Variants in RERE observed in about 807,000 individuals in gnomAD.
RERE encodes the protein arginine-glutamic acid dipeptide repeats protein.
RERE carries 40 observed loss-of-function variants against 146.1 expected under a neutral mutation model. That is an observed-to-expected ratio of 0.27 (90% CI 0.21 to 0.36). The LOEUF is 0.36. Among genes scored for constraint, RERE ranks in the 10% least tolerant of loss-of-function variants. The probability of loss-of-function intolerance (pLI) is 1.00; values close to 1 mark genes in which losing one functional copy is unlikely to be tolerated. For synonymous variants in RERE, 1,003 were observed against 866.0 expected, an observed-to-expected ratio of 1.16 and a Z score of -2.78; for missense variants, 1,933 against 2,138.7, an observed-to-expected ratio of 0.90 and a Z score of 1.90.
At chr1:8,355,342 C>A in intron 22 of RERE, 77 bp downstream of exon 22, 1 of 1,497,670 alleles carries the variant, frequency 6.7e-7, no homozygotes, top group Non-Finnish European at 9.1e-7. Flanking sequence ...GGGGAGGAGC[C>A]TGGCCCTGGG....
At chr1:8,777,897 A>C (rs1245519267) in intron 1 of RERE, among the ~76,000 whole-genome samples, 9 of 151,880 alleles carry the variant, frequency 5.9e-5, no homozygotes. Flanking sequence ...GGTTAAAAAA[A>C]AAAAAAAACT....
chr1:8,426,449 CAAA>C (rs36061391), intron 11 of RERE, among the ~76,000 whole-genome samples: 20 of 109,874 alleles, frequency 1.8e-4, no homozygotes, highest in Admixed American at 1.8e-4. Flanking sequence ...GACTCTGTCT[CAAA>C]AAAAAAAAAA....
At chr1:8,431,784 A>G (rs1410205217) in intron 11 of RERE, among the ~76,000 whole-genome samples, 1 of 152,028 alleles carries the variant, frequency 6.6e-6, no homozygotes, top group African/African-American at 2.4e-5. Context: ...TGGGCCTAGC[A>G]CCTCAAATCT....
At chr1:8,755,577 T>C (rs910853606) in intron 1 of RERE, among the ~76,000 whole-genome samples, 3 of 152,004 alleles carry the variant, frequency 2.0e-5, no homozygotes, top group East Asian at 1.9e-4. Context: ...TCTGGGGAGG[T>C]TGAAAGGCAG....
chr1:8,444,078 T>C (rs548265575), intron 11 of RERE, among the ~76,000 whole-genome samples: 4 of 152,314 alleles, frequency 2.6e-5, no homozygotes, highest in East Asian at 1.9e-4. Flanking sequence ...CCAAGAATGG[T>C]AGATCCATCA....
In RERE at chr1:8,364,759, G is replaced by A; in HGVS notation, c.1527C>T (p.His509=). 1.2e-6 allele frequency: 2 copies of A among 1,613,760 alleles called. No homozygotes were observed. Among genetic ancestry groups the A allele is most frequent in the Non-Finnish European group, 1.7e-6 (2 of 1,179,800 alleles). The change falls in exon 14 of 23, where the codon CAC becomes CAT. Residue 509 remains histidine, a synonymous_variant. Transcript: ENST00000400908. The surrounding 1 kb of genome is among the most constrained non-coding windows in gnomAD (Gnocchi z 5.1). Reference sequence around the variant, plus strand: ...GAGGCCACTTACTGGTGGTGAAGCAGTGGCGGCAGGCGTACCCCTTCAGCT... The same window carrying A: ...GAGGCCACTTACTGGTGGTGAAGCAATGGCGGCAGGCGTACCCCTTCAGCT... ...EQELKGYACR[H]CFTTTSKDWH... is the part of the protein sequence containing the mutation.
intron 7 of RERE, among the ~76,000 whole-genome samples, chr1:8,526,239 G>A (rs551760094): frequency 1.3e-5 from 2 of 151,940 alleles, no homozygotes; most frequent in African/African-American, 2.4e-5. Context: ...GCCAAGCCAC[G>A]GAGGAGCGTC....
At chr1:8,383,424 T>TC in intron 12 of RERE, among the ~76,000 whole-genome samples, 1 of 152,050 alleles carries the variant, frequency 6.6e-6, no homozygotes, top group East Asian at 1.9e-4. Flanking sequence ...TTGTGAGCCG[T>TC]CCTTGCACTT....
intron 1 of RERE, among the ~76,000 whole-genome samples, chr1:8,774,469 T>C (rs532138652): frequency 6.7e-6 from 1 of 148,296 alleles, no homozygotes; most frequent in South Asian, 2.2e-4. Context: ...TTCTCCTGCC[T>C]CAGCCTCCCT....
rs145159129 is a variant in RERE at position 8,567,997 on chromosome 1, T to C, written c.523-10474A>G. ...CTGGATTAAGGGACATCTAGATAGT[T>C]GGTAAAGCATTATTTCTGGGTGTGT... is the stretch of plus-strand genomic sequence containing the variant. On this transcript the variant is annotated intron_variant, in intron 4 of 22. Coordinates refer to ENST00000400908, the MANE Select transcript of RERE (RefSeq NM_001042681.2). Among the ~76,000 whole-genome samples, 264 of 152,310 alleles carry C rather than the reference T, an allele frequency of 1.7e-3. 3 individuals carry two copies. The highest frequency in any genetic ancestry group is 0.015 in the South Asian group (71 of 4,830).
At chr1:8,731,683 G>GA (rs1439950005) in intron 1 of RERE, among the ~76,000 whole-genome samples, 2 of 151,904 alleles carry the variant, frequency 1.3e-5, no homozygotes, top group African/African-American at 2.4e-5. Flanking sequence ...ACCAGGGGTG[G>GA]AAAAAAACAA....
At chr1:8,701,664 T>C (rs1639454053) in intron 1 of RERE, among the ~76,000 whole-genome samples, 1 of 152,336 alleles carries the variant, frequency 6.6e-6, no homozygotes, top group East Asian at 1.9e-4. Flanking sequence ...ACATTTCAAG[T>C]GCAGCCTGCC....
chr1:8,606,375 A>C (rs1416109198), intron 4 of RERE, among the ~76,000 whole-genome samples: 1 of 152,206 alleles, frequency 6.6e-6, no homozygotes, highest in Non-Finnish European at 1.5e-5. Context: ...ATTTAAGTGA[A>C]AGGGAGGAAA....
intron 1 of RERE, among the ~76,000 whole-genome samples, chr1:8,731,200 T>A (rs1203221453): frequency 6.6e-6 from 1 of 152,222 alleles, no homozygotes; most frequent in Admixed American, 6.5e-5. Context: ...TTAAAACTTC[T>A]GGAGGTCCAG....
intron 7 of RERE, among the ~76,000 whole-genome samples, chr1:8,514,839 T>G (rs1315747686): frequency 1.3e-5 from 2 of 152,186 alleles, no homozygotes; most frequent in Non-Finnish European, 1.5e-5. Flanking sequence ...AAGCACTGAT[T>G]ATGGCACATT....
chr1:8,505,909 T>C (rs899953315), intron 8 of RERE, among the ~76,000 whole-genome samples: 1 of 152,174 alleles, frequency 6.6e-6, no homozygotes, highest in African/African-American at 2.4e-5. Flanking sequence ...TTTTTGAAAA[T>C]GAAGCACACA....
intron 7 of RERE, among the ~76,000 whole-genome samples, chr1:8,515,668 T>C (rs1645404851): frequency 6.6e-6 from 1 of 151,656 alleles, no homozygotes; most frequent in African/African-American, 2.4e-5. Flanking sequence ...CAACAAAACA[T>C]AGCTACTAAA....
chr1:8,654,333 G>A (rs1230461272), intron 2 of RERE, among the ~76,000 whole-genome samples: 1 of 152,034 alleles, frequency 6.6e-6, no homozygotes, highest in East Asian at 1.9e-4. Flanking sequence ...ACCGTGCCCA[G>A]CCCCACTGAC....
At chr1:8,743,260 C>CAGGG (rs1640348104) in intron 1 of RERE, among the ~76,000 whole-genome samples, 1 of 151,766 alleles carries the variant, frequency 6.6e-6, no homozygotes, top group South Asian at 2.1e-4. Flanking sequence ...TAGCCAGGTA[C>CAGGG]AGGGGCGCGT....
Sources: gnomAD v4.1 joint callset for allele counts (sites outside exome capture counted in the v4.1 genomes callset) on GRCh38, gnomAD v4.1.1 for gene constraint, Gnocchi (gnomAD v3.1) non-coding constraint, MANE v1.5 for transcripts, NCBI Gene and HGNC (gene_info 2026-07-23, HGNC 2026-07-21) for gene names.